Variants in DDAH1 observed in about 807,000 individuals in gnomAD.
DDAH1 encodes the protein N(G),N(G)-dimethylarginine dimethylaminohydrolase 1.
DDAH1 carries 19 observed loss-of-function variants against 28.8 expected under a neutral mutation model. The ratio of observed to expected loss-of-function variants is 0.66; its 90% CI spans 0.46 to 0.97. DDAH1 has a LOEUF of 0.97. DDAH1 is among the 50% of genes least tolerant of loss of function. DDAH1 has a pLI of 0.00. For missense variants in DDAH1, 326 were observed against 375.9 expected (o/e 0.87, Z 1.10); for synonymous variants, 153 against 154.4 (o/e 0.99, Z 0.07).
chr1:85,411,470 C>T (rs1652651467), intron 1 of DDAH1, among the ~76,000 whole-genome samples: 1 of 152,122 alleles, frequency 6.6e-6, no homozygotes, highest in Non-Finnish European at 1.5e-5. Flanking sequence ...GGGACTGATG[C>T]TGTGTTCACT....
chr1:85,342,617 T>G (rs1648573923), intron 4 of DDAH1, among the ~76,000 whole-genome samples: 1 of 152,232 alleles, frequency 6.6e-6, no homozygotes, highest in South Asian at 2.1e-4. Context: ...AGGAAAAACC[T>G]AAGAAGTTTC....
chr1:85,523,605 C>T (rs1276128507), intron 1 of DDAH1, among the ~76,000 whole-genome samples: 1 of 152,098 alleles, frequency 6.6e-6, no homozygotes, highest in East Asian at 1.9e-4. Context: ...AGGGATTTAA[C>T]CTTCTTGTAC....
chr1:85,577,863 TC>T, intron 1 of DDAH1: 2 of 633,154 alleles, frequency 3.2e-6, no homozygotes, highest in Non-Finnish European at 3.9e-6. Flanking sequence ...TGGATTGCAA[TC>T]CAAGGCAGCC....
chr1:85,330,483 G>T (rs1398477862), intron 4 of DDAH1, among the ~76,000 whole-genome samples: 1 of 152,118 alleles, frequency 6.6e-6, no homozygotes, highest in Non-Finnish European at 1.5e-5. Context: ...CAACCCCAGG[G>T]ACTGTACTTC....
intron 1 of DDAH1, among the ~76,000 whole-genome samples, chr1:85,411,489 G>A (rs1348628307): frequency 1.3e-5 from 2 of 151,754 alleles, no homozygotes; most frequent in African/African-American, 4.8e-5. Context: ...CTACCATGCT[G>A]TGCTGTCCTT....
chr1:85,326,156 C>A (rs974669493), intron 4 of DDAH1, among the ~76,000 whole-genome samples: 1 of 152,192 alleles, frequency 6.6e-6, no homozygotes, highest in Non-Finnish European at 1.5e-5. Flanking sequence ...TCCTGACTCA[C>A]CAGTCAGGTA....
Position 85,324,744 on chromosome 1 carries a change from G to A in DDAH1, c.737C>T (p.Ala246Val). The A allele has an allele frequency of 6.2e-7, 1 of 1,614,006 alleles. No individual in the cohort carries two copies. The highest frequency in any genetic ancestry group is 1.1e-5 in the South Asian group (1 of 91,052). ...HRTPEEYPES[A>V]KVYEKLKDHM... ...TCAGAAGGGATATTTTTTTACCTTT[G>A]CACTTTCTGGATACTCTTCCGGGGT... Residue 246 changes from alanine (A) to valine (V), a missense_variant, in exon 5 of 6, where the codon GCA becomes GTA. Ala to Val is a moderately conservative substitution (Grantham distance 64). Transcript: ENST00000284031.
chr1:85,460,203 G>C (rs1209473687), intron 1 of DDAH1, among the ~76,000 whole-genome samples: 4 of 152,150 alleles, frequency 2.6e-5, no homozygotes, highest in South Asian at 2.1e-4. Flanking sequence ...CTTGCCTCCA[G>C]GATGAACATA....
At position 85,425,062 on chromosome 1, in the gene DDAH1, T is replaced by C. The variant is rs542095684; in HGVS notation, c.303+39681A>G. On this transcript the variant is annotated intron_variant, in intron 1 of 5. Coordinates refer to ENST00000284031, the MANE Select transcript of DDAH1 (RefSeq NM_012137.4). ...TTCAATGTTTCAATTATTGAGATCA[T>C]ACAGTATCTTTTAAAATTAAGCATT... Among the ~76,000 whole-genome samples the C allele has an allele frequency of 2.0e-5, 3 of 152,226 alleles. No homozygotes were observed. In the South Asian group the frequency reaches 6.2e-4, roughly 32 times the overall value.
chr1:85,546,874 C>A (rs1226693965), intron 1 of DDAH1, among the ~76,000 whole-genome samples: 1 of 151,766 alleles, frequency 6.6e-6, no homozygotes, highest in South Asian at 2.1e-4. Context: ...AATAAACTAA[C>A]CTCATGTTCA....
intron 1 of DDAH1, chr1:85,379,787 C>G (rs1219392563): frequency 1.2e-6 from 1 of 835,066 alleles, no homozygotes; most frequent in Non-Finnish European, 1.4e-6. Context: ...TAATCACCAA[C>G]CTTGGAATCT....
chr1:85,371,661 T>C lies in DDAH1; in HGVS notation c.304-12814A>G, dbSNP rs1650391712. On this transcript the variant is annotated intron_variant, in intron 1 of 5. Coordinates refer to ENST00000284031, the MANE Select transcript of DDAH1 (RefSeq NM_012137.4). The stretch of plus-strand genomic sequence containing the variant: ...TAGCAAGAACAACTTTCAAACACAT[T>C]TCAGATCAGTCAGTCCAAAATACAT... Among the ~76,000 whole-genome samples the C allele has an allele frequency of 2.6e-5, 4 of 152,260 alleles. No individual in the cohort carries two copies. In the South Asian group the frequency reaches 8.3e-4, roughly 32 times the overall value.
intron 1 of DDAH1, among the ~76,000 whole-genome samples, chr1:85,449,197 G>A (rs1654560631): frequency 6.6e-6 from 1 of 152,184 alleles, no homozygotes; most frequent in Admixed American, 6.5e-5. Flanking sequence ...CACAGAAGGG[G>A]CTAGGCTGAG....
chr1:85,452,729 CAGAT>C (rs1205615946), intron 1 of DDAH1, among the ~76,000 whole-genome samples: 1 of 152,160 alleles, frequency 6.6e-6, no homozygotes, highest in Non-Finnish European at 1.5e-5. Flanking sequence ...TTCTCCTCCA[CAGAT>C]AGCACCATAA....
chr1:85,358,087 C>G (rs927700960), intron 2 of DDAH1, among the ~76,000 whole-genome samples: 1 of 152,094 alleles, frequency 6.6e-6, no homozygotes, highest in Non-Finnish European at 1.5e-5. Context: ...TAAATACAAA[C>G]CAGATATACA....
rs1402545875 is a variant in DDAH1 at position 85,464,121 on chromosome 1, G to T, written c.303+622C>A. Among the ~76,000 whole-genome samples, 1 of 152,178 alleles carries T rather than the reference G, an allele frequency of 6.6e-6. No homozygotes were observed. The highest frequency in any genetic ancestry group is 2.4e-5 in the African/African-American group (1 of 41,444). On this transcript the variant is annotated intron_variant, in intron 1 of 5. Coordinates refer to ENST00000284031, the MANE Select transcript of DDAH1 (RefSeq NM_012137.4). This position sits in a 1 kb window ranked among gnomAD's most constrained non-coding sequence, Gnocchi z 4.4. The stretch of plus-strand genomic sequence containing the variant: ...CACAGAGTACAGCTTTTCAAACCTA[G>T]CCCATTCATGCACACATTTAGCACA...
intron 1 of DDAH1, 99 bp from the exon 2 acceptor site, chr1:85,358,946 C>T (rs761858078): frequency 7.8e-6 from 6 of 766,396 alleles, no homozygotes; most frequent in East Asian, 2.5e-5. Flanking sequence ...CTCGTGCACA[C>T]ACCCACACAC....
At chr1:85,373,347 T>C (rs1008986005) in intron 1 of DDAH1, among the ~76,000 whole-genome samples, 14 of 152,096 alleles carry the variant, frequency 9.2e-5, no homozygotes, top group African/African-American at 3.4e-4. Flanking sequence ...TTTGGCTCTG[T>C]GTTCCCAACC....
intron 4 of DDAH1, among the ~76,000 whole-genome samples, chr1:85,348,758 C>T (rs1301330353): frequency 6.6e-6 from 1 of 152,156 alleles, no homozygotes; most frequent in Admixed American, 6.5e-5. Context: ...TAACGTAGTG[C>T]TAATTAGTCA....
Sources: gnomAD v4.1 joint callset for allele counts (sites outside exome capture counted in the v4.1 genomes callset) on GRCh38, gnomAD v4.1.1 for gene constraint, Gnocchi (gnomAD v3.1) non-coding constraint, MANE v1.5 for transcripts, NCBI Gene and HGNC (gene_info 2026-07-23, HGNC 2026-07-21) for gene names.